The following SCAP variants were observed in gnomAD, a reference collection of about 807,000 sequenced individuals.
The protein encoded by SCAP is sterol regulatory element-binding protein cleavage-activating protein.
SCAP carries 65 observed loss-of-function variants against 123.6 expected under a neutral mutation model. The ratio of observed to expected loss-of-function variants is 0.53; its 90% CI spans 0.43 to 0.65. The LOEUF (loss-of-function observed/expected upper bound fraction) is 0.65. SCAP is among the 30% of genes least tolerant of loss of function. The pLI, the probability that SCAP is intolerant of heterozygous loss-of-function variation, is 0.00. For missense variants in SCAP, 1,398 were observed against 1,712.5 expected, an observed-to-expected ratio of 0.82 and a Z score of 3.24; for synonymous variants, 740 against 726.3, an observed-to-expected ratio of 1.02 and a Z score of -0.30.
chr3:47,466,031 G>T (rs1262061400), intron 1 of SCAP, among the ~76,000 whole-genome samples: 1 of 151,482 alleles, frequency 6.6e-6, no homozygotes, highest in East Asian at 1.9e-4. Flanking sequence ...TACTCAGGAG[G>T]CTGAGGCAGG....
chr3:47,425,235 A>G, intron 8 of SCAP: 1 of 477,884 alleles, frequency 2.1e-6, no homozygotes. Flanking sequence ...CCTTATATAC[A>G]CACCCAGCCC....
chr3:47,449,236 G>A lies in SCAP; in HGVS notation c.-98-6145C>T, dbSNP rs1272549110. On this transcript the variant is annotated intron_variant, in intron 1 of 22. Transcript: ENST00000265565. The stretch of plus-strand genomic sequence containing the variant: ...TGAGGAACAGCCCAAGAGTTCATAT[G>A]CAACTTTATGAGTTCAATTTGTTGA... Among the ~76,000 whole-genome samples, 2 of 59,962 alleles carry A rather than the reference G, an allele frequency of 3.3e-5. 1 individual carries two copies. Among genetic ancestry groups the A allele is most frequent in the Admixed American group, 4.3e-4 (2 of 4,634 alleles). The allele number at this position is 59,962 out of a possible 152,430, so 39.3% of individuals were successfully genotyped here. A position where few individuals can be genotyped will look rare whatever the true frequency, so the allele number is the denominator to read the frequency against.
chr3:47,475,194 T>C (rs1270424534), intron 1 of SCAP, among the ~76,000 whole-genome samples: 1 of 150,650 alleles, frequency 6.6e-6, no homozygotes, highest in Admixed American at 6.6e-5. Context: ...TGCACAACTT[T>C]CTGTGATTCA....
At chr3:47,440,575 A>C (rs1165394823) in intron 2 of SCAP, among the ~76,000 whole-genome samples, 1 of 152,222 alleles carries the variant, frequency 6.6e-6, no homozygotes. Context: ...AGCACTAAGA[A>C]TGTGACAGTA....
At chr3:47,444,634 C>T (rs1706954209) in intron 1 of SCAP, among the ~76,000 whole-genome samples, 1 of 151,648 alleles carries the variant, frequency 6.6e-6, no homozygotes, top group Non-Finnish European at 1.5e-5. Flanking sequence ...CCACCATGCC[C>T]TGCTAATTTT....
intron 1 of SCAP, among the ~76,000 whole-genome samples, chr3:47,457,958 G>A (rs1041654445): frequency 1.3e-5 from 2 of 151,812 alleles, no homozygotes; most frequent in Admixed American, 1.3e-4. Flanking sequence ...AAATTAGCCA[G>A]TAACCTGGGA....
chr3:47,460,308 A>G (rs1707583448), intron 1 of SCAP, among the ~76,000 whole-genome samples: 1 of 152,256 alleles, frequency 6.6e-6, no homozygotes, highest in Non-Finnish European at 1.5e-5. Context: ...ATAAGAAATT[A>G]TAAAGTATTA....
intron 8 of SCAP, among the ~76,000 whole-genome samples, chr3:47,424,834 TCCATTAATAA>T (rs1266665363): frequency 6.6e-6 from 1 of 152,078 alleles, no homozygotes; most frequent in Non-Finnish European, 1.5e-5. Context: ...CAATCCATAA[TCCATTAATAA>T]CCATTAATAG....
chr3:47,418,799 T>G lies in SCAP; in HGVS notation c.1985A>C (p.Asn662Thr). Reference protein sequence around the residue: ...LPVIPVTLRLNPREALEGRHP... With the variant: ...LPVIPVTLRLTPREALEGRHP... ...CCGGCCCTCCAGAGCCTCCCTCGGGTTCAGGCGGAGCGTGACTGGGATGAC... is the reference window on the plus strand; with the variant it reads ...CCGGCCCTCCAGAGCCTCCCTCGGGGTCAGGCGGAGCGTGACTGGGATGAC... The change falls in exon 14 of 23, where the codon AAC (asparagine) becomes ACC (threonine). Residue 662 changes from asparagine (N) to threonine (T), a missense_variant. Asn to Thr is a moderately conservative substitution (Grantham distance 65). Coordinates refer to ENST00000265565, the MANE Select transcript of SCAP (RefSeq NM_012235.4). 1 of 1,553,076 alleles carries G rather than the reference T, an allele frequency of 6.4e-7. No homozygotes were observed. Among genetic ancestry groups the G allele is most frequent in the Non-Finnish European group, 8.7e-7 (1 of 1,153,960 alleles).
At position 47,426,894 on chromosome 3, in the gene SCAP, A is replaced by G. The variant is rs113398477; in HGVS notation, c.737+263T>C. ...GCTGGGGATGCCTGCCCTAGGCTCA[A>G]GAGAGACCAGAGGAGGCACCAGGAC... On this transcript the variant is annotated intron_variant, in intron 6 of 22. Coordinates refer to ENST00000265565, the MANE Select transcript of SCAP (RefSeq NM_012235.4). Among the ~76,000 whole-genome samples the G allele has an allele frequency of 1.0e-3, 156 of 152,314 alleles. 3 individuals carry two copies. Among genetic ancestry groups the G allele is most frequent in the African/African-American group, 3.5e-3 (147 of 41,568 alleles).
At chr3:47,473,183 C>T (rs1472895374) in intron 1 of SCAP, among the ~76,000 whole-genome samples, 2 of 151,544 alleles carry the variant, frequency 1.3e-5, no homozygotes, top group Non-Finnish European at 2.9e-5. Flanking sequence ...CAACACACTC[C>T]GTCTCAAATT....
chr3:47,441,727 C>T (rs918054721), intron 2 of SCAP, among the ~76,000 whole-genome samples: 2 of 152,114 alleles, frequency 1.3e-5, no homozygotes, highest in African/African-American at 4.8e-5. Flanking sequence ...ACCCCAGTTT[C>T]CCTAATTATT....
chr3:47,461,996 T>C (rs138055698), intron 1 of SCAP, among the ~76,000 whole-genome samples: 2 of 152,276 alleles, frequency 1.3e-5, no homozygotes, highest in African/African-American at 4.8e-5. Flanking sequence ...ATCACACTGC[T>C]GTACTCCAGC....
intron 1 of SCAP, 35 bp from the exon 2 acceptor site, chr3:47,443,126 G>A (rs746644109): frequency 2.1e-5 from 31 of 1,479,744 alleles, no homozygotes; most frequent in Admixed American, 6.5e-5. Flanking sequence ...TTAACAAAGA[G>A]TACTTGGCTC....
intron 4 of SCAP, 103 bp downstream of exon 4, chr3:47,428,410 T>C: frequency 8.2e-7 from 1 of 1,218,414 alleles, no homozygotes; most frequent in Admixed American, 2.2e-5. Flanking sequence ...GCTTGTTCTA[T>C]CTCTGCAGAG....
chr3:47,413,881 C>T lies in SCAP; in HGVS notation c.3813G>A (p.Val1271=), dbSNP rs1478301444. ...NFGSELSLVY[V]PSVLEKLD is the part of the protein sequence containing the mutation. ...AGTCCAGCTTCTCCAGCACAGAGGG[C>T]ACATACACCAGGCTGAGCTCACTGC... The change falls in exon 23 of 23, where the codon GTG becomes GTA. Residue 1271 remains valine (V), a synonymous_variant. Coordinates refer to ENST00000265565, the MANE Select transcript of SCAP (RefSeq NM_012235.4). 6.2e-7 allele frequency: 1 copy of T among 1,613,076 alleles called. No individual in the cohort carries two copies. The highest frequency in any genetic ancestry group is 1.1e-5 in the South Asian group (1 of 91,080).
chr3:47,435,265 G>A (rs1706523984), intron 2 of SCAP, 128 bp from the exon 3 acceptor site: 2 of 1,061,794 alleles, frequency 1.9e-6, no homozygotes, highest in Non-Finnish European at 2.6e-6. Context: ...CAAAATATTA[G>A]AATCACAAAA....
chr3:47,470,833 G>T (rs1708000183), intron 1 of SCAP, among the ~76,000 whole-genome samples: 1 of 152,116 alleles, frequency 6.6e-6, no homozygotes, highest in Non-Finnish European at 1.5e-5. Flanking sequence ...CTGCACTCCA[G>T]CCTGGGCGAC....
Position 47,419,779 on chromosome 3 carries a change from G to A in SCAP, c.1564-75C>T. ...AGCAGCTTCAGCCCTCATGCTGAGA[G>A]GAAGCAGCACAGGGACCTCAGGCCT... On this transcript the variant is annotated intron_variant, in intron 12 of 22. Coordinates refer to ENST00000265565, the MANE Select transcript of SCAP (RefSeq NM_012235.4). This position sits in a 1 kb window ranked among gnomAD's most constrained non-coding sequence, Gnocchi z 5.0. 1 of 1,482,598 alleles carries A rather than the reference G, an allele frequency of 6.7e-7. No individual in the cohort carries two copies. 91.8% of individuals were successfully genotyped at this position (1,482,598 alleles called of 1,614,324 possible). A position where few individuals can be genotyped will look rare whatever the true frequency, so the allele number is the denominator to read the frequency against.
Sources: gnomAD v4.1 joint callset for allele counts (sites outside exome capture counted in the v4.1 genomes callset) on GRCh38, gnomAD v4.1.1 for gene constraint, Gnocchi (gnomAD v3.1) non-coding constraint, MANE v1.5 for transcripts, NCBI Gene and HGNC (gene_info 2026-07-23, HGNC 2026-07-21) for gene names.